A2ML1: variants seen among roughly 807,000 people sequenced by gnomAD.
A2ML1 encodes the protein alpha-2-macroglobulin like 1, also known as alpha-2-macroglobulin-like protein 1.
A2ML1 carries 161 observed loss-of-function variants against 181.9 expected under a neutral mutation model. That is an observed-to-expected ratio of 0.89 (90% CI 0.78 to 1.01). The LOEUF is 1.01. A2ML1 is among the 50% of genes least tolerant of loss of function. A2ML1 has a pLI of 0.00. For missense variants in A2ML1, 1,670 were observed against 1,768.1 expected, an observed-to-expected ratio of 0.94 and a Z score of 1.00; for synonymous variants, 663 against 666.8, an observed-to-expected ratio of 0.99 and a Z score of 0.09.
chr12:8,847,030 G>A (rs1943710925), intron 14 of A2ML1, among the ~76,000 whole-genome samples: 2 of 150,044 alleles, frequency 1.3e-5, no homozygotes, highest in Non-Finnish European at 3.0e-5. Context: ...TGCCTCCTGG[G>A]TTCAAGTGAT....
chr12:8,876,650 GCAA>G lies in A2ML1; in HGVS notation c.*595_*597del. On this transcript the variant is annotated 3_prime_UTR_variant, in exon 36 of 36. Transcript: ENST00000299698. Reference sequence around the variant, plus strand: ...ATTGTGCCACTGCACTCCAGCCTGGGCAATGAGGCAAGACCCTGTCTCAAAAAA... The same window carrying G: ...ATTGTGCCACTGCACTCCAGCCTGGGTGAGGCAAGACCCTGTCTCAAAAAA... 3 of 152,080 alleles carry G rather than the reference GCAA, an allele frequency of 2.0e-5. No homozygotes were observed. Among genetic ancestry groups the G allele is most frequent in the Admixed American group, 2.0e-4 (3 of 15,248 alleles). The allele number at this position is 152,080 out of a possible 1,614,324, so 9.4% of individuals were successfully genotyped here.
rs760216736 is a variant in A2ML1, at chr12:8,850,143, A to G, written c.2120-17A>G. The G allele has an allele frequency of 1.3e-6, 2 of 1,581,234 alleles. No homozygotes were observed. The highest frequency in any genetic ancestry group is 2.7e-5 in the African/African-American group (2 of 72,970). ...GTCTCCTGTTTCCTAAAGTTTTCGT[A>G]TTCTCAATTTCATCAGCAGGCGGTG... On this transcript the variant is annotated splice_polypyrimidine_tract_variant and intron_variant, in intron 17 of 35. Coordinates refer to ENST00000299698, the MANE Select transcript of A2ML1 (RefSeq NM_144670.6).
At position 8,857,423 on chromosome 12, in the gene A2ML1, C is replaced by T. The variant is rs892220225; in HGVS notation, c.3025+83C>T. On this transcript the variant is annotated intron_variant, in intron 24 of 35. Coordinates refer to ENST00000299698, the MANE Select transcript of A2ML1 (RefSeq NM_144670.6). ...ATTGATGATACAGGGAATTCCAGCC[C>T]CTCAAGTGTCCCATATCCTTGAACG... 1.5e-5 allele frequency: 24 copies of T among 1,606,334 alleles called. 1 individual carries two copies. The East Asian group carries it at 5.1e-4, about 34-fold the overall frequency.
chr12:8,878,280 G>A (rs1944834616), downstream of A2ML1, among the ~76,000 whole-genome samples: 1 of 152,156 alleles, frequency 6.6e-6, no homozygotes, highest in Non-Finnish European at 1.5e-5. This position sits in a 1 kb window ranked among gnomAD's most constrained non-coding sequence, Gnocchi z 4.4. Flanking sequence ...TTCAGCCTGG[G>A]CGACAAGAGC....
chr12:8,827,514 T>G (rs897929140), intron 3 of A2ML1, among the ~76,000 whole-genome samples: 1 of 152,214 alleles, frequency 6.6e-6, no homozygotes, highest in Non-Finnish European at 1.5e-5. Flanking sequence ...CTGTGTTATC[T>G]AAAATTTTGT....
rs1281385394 is a variant in A2ML1 at position 8,868,640 on chromosome 12, T to C, written c.4152+13T>C. On this transcript the variant is annotated intron_variant, in intron 32 of 35. Transcript: ENST00000299698. Reference sequence around the variant, plus strand: ...CACCAATCAGTTAGTAAGTTACTTCTGTTTTCTTCATTTATCTAGCTGTGA... The same window carrying C: ...CACCAATCAGTTAGTAAGTTACTTCCGTTTTCTTCATTTATCTAGCTGTGA... 1 of 1,610,312 alleles carries C rather than the reference T, an allele frequency of 6.2e-7. No individual in the cohort carries two copies. The highest frequency in any genetic ancestry group is 2.2e-5 in the East Asian group (1 of 44,852).
chr12:8,867,865 T>C lies in A2ML1; in HGVS notation c.3741T>C (p.Ala1247=), dbSNP rs1944471441. ...STQDTVVALQ[A]LAKYATTAYM... ...AGGATACTGTAGTTGCTCTCCAAGC[T>C]CTTGCCAAATATGCCACTACCGCCT... Residue 1247 remains alanine (A), a synonymous_variant, in exon 30 of 36, where the codon GCT becomes GCC. Transcript: ENST00000299698. The C allele has an allele frequency of 3.1e-6, 5 of 1,614,224 alleles. No homozygotes were observed. The highest frequency in any genetic ancestry group is 1.6e-4 in the Middle Eastern group (1 of 6,062).
intron 34 of A2ML1, 96 bp from the exon 35 acceptor site, chr12:8,874,875 C>G (rs1944750864): frequency 4.2e-6 from 5 of 1,189,666 alleles, no homozygotes; most frequent in Non-Finnish European, 6.2e-6. Context: ...TGTAGAGATT[C>G]TCTGGAAGGG....
chr12:8,840,191 C>G (rs1943421061), intron 10 of A2ML1, among the ~76,000 whole-genome samples: 1 of 151,958 alleles, frequency 6.6e-6, no homozygotes, highest in Admixed American at 6.5e-5. Flanking sequence ...GAAAACTTGT[C>G]TCTGCTAAAA....
At chr12:8,866,392 G>A (rs1454354072) in intron 29 of A2ML1, among the ~76,000 whole-genome samples, 1 of 147,416 alleles carries the variant, frequency 6.8e-6, no homozygotes, top group Non-Finnish European at 1.5e-5. Flanking sequence ...ATGGTACTAT[G>A]CCTCCCTGTT....
intron 10 of A2ML1, 111 bp from the exon 11 acceptor site, chr12:8,841,258 T>C: frequency 1.1e-6 from 1 of 947,156 alleles, no homozygotes; most frequent in Non-Finnish European, 1.6e-6. Context: ...CTGTTATTAC[T>C]TTTAGTGCCA....
chr12:8,846,960 G>GCTTT (rs372903760), intron 14 of A2ML1, among the ~76,000 whole-genome samples: 54 of 152,002 alleles, frequency 3.6e-4, no homozygotes, highest in African/African-American at 1.3e-3. Context: ...TATAGACAGA[G>GCTTT]CTTTCCTCTT....
intron 2 of A2ML1, 160 bp from the exon 3 acceptor site, chr12:8,823,559 TC>T (rs1942818964): frequency 1.9e-6 from 2 of 1,075,762 alleles, no homozygotes; most frequent in South Asian, 3.2e-5. Context: ...TCCCTTTAGT[TC>T]CTGACCTTAA....
chr12:8,832,835 CA>C (rs1943159993), intron 4 of A2ML1, among the ~76,000 whole-genome samples: 1 of 152,112 alleles, frequency 6.6e-6, no homozygotes, highest in Admixed American at 6.5e-5. Flanking sequence ...TTTAATTTTG[CA>C]AAGTCAGTTT....
intron 12 of A2ML1, chr12:8,845,107 T>G: frequency 6.9e-7 from 1 of 1,451,690 alleles, no homozygotes; most frequent in Non-Finnish European, 9.0e-7. Flanking sequence ...TTCGCTGACT[T>G]TCTGTTACAA....
chr12:8,845,381 T>C lies in A2ML1; in HGVS notation c.1477-61T>C. 2.5e-6 allele frequency: 4 copies of C among 1,570,846 alleles called. No individual in the cohort carries two copies. The Admixed American group carries it at 6.7e-5, about 26-fold the overall frequency. On this transcript the variant is annotated intron_variant, in intron 12 of 35. Coordinates refer to ENST00000299698, the MANE Select transcript of A2ML1 (RefSeq NM_144670.6). ...AAGGGATGCAGAGATGCTCTGGAAG[T>C]TGGTCCAAGGTGAAATTACTGTAAC...
chr12:8,824,507 T>G (rs1317836144), intron 3 of A2ML1, among the ~76,000 whole-genome samples: 2 of 152,068 alleles, frequency 1.3e-5, no homozygotes, highest in Admixed American at 1.3e-4. Flanking sequence ...AATCCAATTA[T>G]ACTCTCTTAG....
At chr12:8,885,551 G>T (rs904238414) in intron 7 of A2ML1, among the ~76,000 whole-genome samples, 2 of 151,896 alleles carry the variant, frequency 1.3e-5, no homozygotes, top group Admixed American at 6.6e-5. Context: ...TCTGCTTCCC[G>T]GGCTCAAGCA....
At chr12:8,828,671 G>C (rs1333864790) in intron 3 of A2ML1, among the ~76,000 whole-genome samples, 1 of 152,098 alleles carries the variant, frequency 6.6e-6, no homozygotes, top group African/African-American at 2.4e-5. Context: ...CAAGTAGAAG[G>C]AGTCTCTCCC....
Sources: allele counts gnomAD v4.1 joint callset (sites outside exome capture counted in the v4.1 genomes callset), GRCh38; gene constraint gnomAD v4.1.1; non-coding constraint Gnocchi (gnomAD v3.1); transcripts MANE v1.5; gene names NCBI Gene and HGNC (gene_info 2026-07-23, HGNC 2026-07-21).